Variants in BDNF observed in about 807,000 individuals in gnomAD.
BDNF encodes neurotrophic factor BDNF precursor form.
In BDNF, 1 loss-of-function variant was observed where a neutral mutation model predicts 19.5. That is an observed-to-expected ratio of 0.05 (90% confidence interval 0.02 to 0.24). BDNF has a LOEUF of 0.24. BDNF is among the 10% of genes least tolerant of loss of function. The probability of loss-of-function intolerance (pLI) is 1.00; values close to 1 mark genes in which losing one functional copy is unlikely to be tolerated. For missense variants in BDNF, 195 were observed against 317.6 expected (o/e 0.61, Z 2.93); for synonymous variants, 100 against 121.6 (o/e 0.82, Z 1.17).
chr11:27,713,521 G>A (rs1341634120), intron 1 of BDNF, among the ~76,000 whole-genome samples: 1 of 152,094 alleles, frequency 6.6e-6, no homozygotes, highest in Non-Finnish European at 1.5e-5. Flanking sequence ...TTTCCCCACA[G>A]TAACCTTGTT....
intron 1 of BDNF, among the ~76,000 whole-genome samples, chr11:27,686,537 G>A (rs530964928): frequency 6.0e-5 from 9 of 151,254 alleles, no homozygotes; most frequent in African/African-American, 1.9e-4. Flanking sequence ...GGCTGGTACC[G>A]GTTTTTCCTT....
At chr11:27,678,873 G>A (rs914268088) in intron 1 of BDNF, among the ~76,000 whole-genome samples, 6 of 152,038 alleles carry the variant, frequency 3.9e-5, no homozygotes, top group African/African-American at 9.7e-5. Flanking sequence ...CCCATTAAAC[G>A]GATGGTCAAA....
chr11:27,683,029 T>C (rs960251517), intron 1 of BDNF, among the ~76,000 whole-genome samples: 3 of 152,216 alleles, frequency 2.0e-5, no homozygotes, highest in Non-Finnish European at 4.4e-5. Context: ...CCACCAACAG[T>C]GTAAAAGTGT....
chr11:27,677,977 G>A (rs1305056150), intron 1 of BDNF, among the ~76,000 whole-genome samples: 2 of 152,126 alleles, frequency 1.3e-5, no homozygotes, highest in Non-Finnish European at 2.9e-5. Context: ...AGAAGAAACT[G>A]ATTCAAGGTG....
intron 1 of BDNF, among the ~76,000 whole-genome samples, chr11:27,662,879 G>C (rs1429195007): frequency 1.3e-5 from 2 of 152,188 alleles, no homozygotes; most frequent in African/African-American, 4.8e-5. Context: ...GAATTTGACA[G>C]ATAGCAATTA....
At chr11:27,698,573 T>C (rs1859467203) in intron 1 of BDNF, among the ~76,000 whole-genome samples, 1 of 152,166 alleles carries the variant, frequency 6.6e-6, no homozygotes, top group African/African-American at 2.4e-5. Context: ...AACAAACTCA[T>C]ATAAAAATAG....
chr11:27,689,439 C>T (rs974230595), intron 1 of BDNF, among the ~76,000 whole-genome samples: 14 of 152,184 alleles, frequency 9.2e-5, no homozygotes, highest in Admixed American at 6.5e-4. Flanking sequence ...GTATGGAATA[C>T]CACACATTTG....
At chr11:27,688,400 C>G (rs905136619) in intron 1 of BDNF, among the ~76,000 whole-genome samples, 1 of 152,204 alleles carries the variant, frequency 6.6e-6, no homozygotes, top group Non-Finnish European at 1.5e-5. Context: ...CCTTCAGCCC[C>G]TTTCCGGGGG....
In BDNF at chr11:27,692,950, GA is replaced by G. The variant is rs377301292; in HGVS notation, c.-22+7213del. Reference sequence around the variant, plus strand: ...TTTTTACTAATCCTTCACAGTTTTAGAATTCTTCTCAACCCAACATTCAAAA... The same window carrying G: ...TTTTTACTAATCCTTCACAGTTTTAGATTCTTCTCAACCCAACATTCAAAA... On this transcript the variant is annotated intron_variant, in intron 1 of 1. Coordinates refer to ENST00000356660, the MANE Select transcript of BDNF (RefSeq NM_001709.5). Among the ~76,000 whole-genome samples the G allele has an allele frequency of 5.0e-4, 76 of 152,292 alleles. 2 individuals are homozygous for G. The South Asian group carries it at 0.016, about 32-fold the overall frequency.
chr11:27,658,705 T>C lies in BDNF; in HGVS notation c.-21-120A>G. ...TCTGCAGGGTCAAGGTTTTTTTATG[T>C]CTTGGTGATAAACTCCAGCTGCACC... On this transcript the variant is annotated intron_variant, in intron 1 of 1. Transcript: ENST00000356660. This position sits in a 1 kb window ranked among gnomAD's most constrained non-coding sequence, Gnocchi z 5.7. 1 of 1,582,170 alleles carries C rather than the reference T, an allele frequency of 6.3e-7. No homozygotes were observed. Among genetic ancestry groups the C allele is most frequent in the Admixed American group, 1.9e-5 (1 of 54,002 alleles).
intron 1 of BDNF, among the ~76,000 whole-genome samples, chr11:27,708,882 G>T (rs1002643739): frequency 1.3e-4 from 17 of 132,056 alleles, no homozygotes; most frequent in Admixed American, 1.2e-3. Context: ...AGACTGGAGT[G>T]CAATGGCGCA....
At chr11:27,718,362 C>G (rs544158214) in intron 1 of BDNF, among the ~76,000 whole-genome samples, 2 of 145,086 alleles carry the variant, frequency 1.4e-5, no homozygotes, top group South Asian at 2.7e-4. Context: ...CCACCCCCCC[C>G]CGCCCCTCCC....
chr11:27,693,915 C>T (rs1858630551), intron 1 of BDNF, among the ~76,000 whole-genome samples: 1 of 152,136 alleles, frequency 6.6e-6, no homozygotes. Flanking sequence ...AAGTTTCCTT[C>T]TCCCTCTCTC....
intron 1 of BDNF, chr11:27,720,717 T>C: frequency 1.0e-6 from 1 of 985,984 alleles, no homozygotes; most frequent in Non-Finnish European, 1.2e-6. Flanking sequence ...TCGCCCGGAT[T>C]ACACACCCGG....
chr11:27,721,892 C>T (rs1420904632), exon 1 of BDNF: 1 of 176,540 alleles, frequency 5.7e-6, no homozygotes, highest in Non-Finnish European at 1.2e-5. Context: ...GCACACCGCT[C>T]CCTTGCCCAC....
chr11:27,693,069 C>T (rs553261765), intron 1 of BDNF, among the ~76,000 whole-genome samples: 79 of 152,272 alleles, frequency 5.2e-4, no homozygotes, highest in Non-Finnish European at 1.0e-3. Flanking sequence ...TTTCAAATTC[C>T]CTATGCATCC....
upstream of BDNF, among the ~76,000 whole-genome samples, chr11:27,702,474 C>G (rs1486375529): frequency 1.3e-5 from 2 of 152,140 alleles, no homozygotes; most frequent in African/African-American, 4.8e-5. Flanking sequence ...AGGCAGCTTT[C>G]TGTGTGTGTG....
rs12291186 is a variant in BDNF at position 27,674,771 on chromosome 11, A to C, written c.-21-16186T>G. 25,031 of 971,192 alleles carry C rather than the reference A, an allele frequency of 0.026. 3,416 individuals are homozygous for C. In the African/African-American group the frequency reaches 0.31, roughly 12 times the overall value. 60.2% of individuals were successfully genotyped at this position (971,192 alleles called of 1,614,324 possible). On this transcript the variant is annotated intron_variant, in intron 1 of 1. Transcript: ENST00000356660. ...AGAAGACATGCAAACTCAAATACCA[A>C]CATATTTCATCTAAGCATAGGACAG...
rs908085828 is a variant in BDNF, at chr11:27,656,020, T to C, written c.*1801A>G. 6.6e-6 allele frequency: 1 copy of C among 152,170 alleles called. No homozygotes were observed. The highest frequency in any genetic ancestry group is 2.4e-5 in the African/African-American group (1 of 41,424). 9.4% of individuals were successfully genotyped at this position (152,170 alleles called of 1,614,324 possible). ...GTCAGCTCTGTCCTGGCCTCTTCCATTGAGCAAGGCACCTTCAAGTCTTGG... is the reference window on the plus strand; with the variant it reads ...GTCAGCTCTGTCCTGGCCTCTTCCACTGAGCAAGGCACCTTCAAGTCTTGG... On this transcript the variant is annotated 3_prime_UTR_variant, in exon 2 of 2. Coordinates refer to ENST00000356660, the MANE Select transcript of BDNF (RefSeq NM_001709.5).
Sources: allele counts gnomAD v4.1 joint callset (sites outside exome capture counted in the v4.1 genomes callset), GRCh38; gene constraint gnomAD v4.1.1; non-coding constraint Gnocchi (gnomAD v3.1); transcripts MANE v1.5; gene names NCBI Gene and HGNC (gene_info 2026-07-23, HGNC 2026-07-21).